CLEC7A: variants seen among roughly 807,000 people sequenced by gnomAD.
CLEC7A encodes the protein C-type lectin domain containing 7A.
Under a neutral mutation model 26.9 loss-of-function variants are expected in CLEC7A, and 25 were observed. The ratio of observed to expected loss-of-function variants is 0.93; its 90% CI spans 0.68 to 1.30. The LOEUF is 1.30. Ranked by LOEUF, CLEC7A falls within the 50% of genes most tolerant of loss-of-function variation. The pLI is 0.00. For synonymous variants in CLEC7A, 100 were observed against 99.5 expected (o/e 1.01, Z -0.03); for missense variants, 275 against 286.7 (o/e 0.96, Z 0.29).
chr12:10,122,891 C>T (rs1472256340), intron 5 of CLEC7A, among the ~76,000 whole-genome samples: 2 of 152,150 alleles, frequency 1.3e-5, no homozygotes, highest in East Asian at 1.9e-4. Flanking sequence ...AATCATTAAC[C>T]CAAACTGAGG....
At chr12:10,126,967 G>T in intron 2 of CLEC7A, 2 of 1,099,134 alleles carry the variant, frequency 1.8e-6, no homozygotes, top group Non-Finnish European at 2.4e-6. Context: ...AATAGAATGA[G>T]GGAGGCAGCA....
At chr12:10,121,038 AAAATAAAAATAAAT>A (rs1385624682) in intron 5 of CLEC7A, among the ~76,000 whole-genome samples, 5 of 150,758 alleles carry the variant, frequency 3.3e-5, no homozygotes, top group East Asian at 4.0e-4. Flanking sequence ...CCTGGGCGAT[AAAATAAAAATAAAT>A]AAATAAAAAT....
rs7136680 is a variant in CLEC7A, at chr12:10,122,930, G to C, written c.611+315C>G. 3.6e-4 allele frequency among the ~76,000 whole-genome samples: 54 copies of C among 151,986 alleles called. No homozygotes were observed. The East Asian group carries it at 8.1e-3, about 23-fold the overall frequency. ...GGCTTCAAAACCCATGCTCTTAACC[G>C]GGGAGTTACACTGACTGACAGTGAC... On this transcript the variant is annotated intron_variant, in intron 5 of 5. Transcript: ENST00000304084.
intron 4 of CLEC7A, chr12:10,125,018 G>C (rs569992803): frequency 1.1e-4 from 40 of 376,574 alleles, no homozygotes; most frequent in Non-Finnish European, 1.8e-4. Context: ...ATGATATGGA[G>C]AAACCTCGTC....
rs1464460128 is a variant in CLEC7A at position 10,130,002 on chromosome 12, C to T, written c.81G>A (p.Arg27=). 1 of 1,605,788 alleles carries T rather than the reference C, an allele frequency of 6.2e-7. No individual in the cohort carries two copies. The highest frequency in any genetic ancestry group is 8.5e-7 in the Non-Finnish European group (1 of 1,172,582). ...QLHFDSQSNT[R]IAVVSEKGSC... is the part of the protein sequence containing the mutation. ...TACCTTTCTCTGAAACAACAGCTAT[C>T]CTGGTATTGCTTTGAGAGTCGAAGT... Residue 27 remains arginine, a synonymous_variant, in exon 1 of 6, where the codon AGG becomes AGA. Coordinates refer to ENST00000304084, the MANE Select transcript of CLEC7A (RefSeq NM_197947.3).
chr12:10,125,280 C>T lies in CLEC7A; in HGVS notation c.492+17G>A. The T allele has an allele frequency of 6.2e-7, 1 of 1,601,162 alleles. No individual in the cohort carries two copies. The highest frequency in any genetic ancestry group is 8.5e-7 in the Non-Finnish European group (1 of 1,171,428). On this transcript the variant is annotated intron_variant, in intron 4 of 5. Transcript: ENST00000304084. ...GGATACACACCACAGATAATCATAA[C>T]AGAAGTCTACACTTACCAATTCATT...
chr12:10,129,910 G>T (rs1304395537), intron 1 of CLEC7A, 70 bp downstream of exon 1: 5 of 899,742 alleles, frequency 5.6e-6, no homozygotes, highest in Non-Finnish European at 9.0e-6. Flanking sequence ...GAGCCACCAT[G>T]CCTAGCCTCC....
Position 10,130,001 on chromosome 12 carries a change from T to A in CLEC7A, c.82A>T (p.Ile28Leu). 1 of 1,605,206 alleles carries A rather than the reference T, an allele frequency of 6.2e-7. No homozygotes were observed. Among genetic ancestry groups the A allele is most frequent in the Middle Eastern group, 1.7e-4 (1 of 6,040 alleles). Reference sequence around the variant, plus strand: ...ATACCTTTCTCTGAAACAACAGCTATCCTGGTATTGCTTTGAGAGTCGAAG... The same window carrying A: ...ATACCTTTCTCTGAAACAACAGCTAACCTGGTATTGCTTTGAGAGTCGAAG... The part of the protein sequence containing the change: ...LHFDSQSNTR[I>L]AVVSEKGSCA... The change falls in exon 1 of 6, where the codon ATA becomes TTA. Residue 28 changes from isoleucine (I) to leucine (L), a missense_variant. Physicochemically the swap from Ile to Leu is conservative, Grantham distance 5. Coordinates refer to ENST00000304084, the MANE Select transcript of CLEC7A (RefSeq NM_197947.3).
Position 10,127,132 on chromosome 12 carries a change from G to A in CLEC7A, c.203-424C>T, listed in dbSNP as rs903698907. On this transcript the variant is annotated intron_variant, in intron 2 of 5. Transcript: ENST00000304084. ...CTCAATAAACATTTGACTAATTAAG[G>A]AATGTCATGAAGACTCTCTGAAGGT... 14 of 1,156,088 alleles carry A rather than the reference G, an allele frequency of 1.2e-5. No individual in the cohort carries two copies. In the East Asian group the frequency reaches 1.3e-4, roughly 10 times the overall value. The allele number at this position is 1,156,088 out of a possible 1,614,324, so 71.6% of individuals were successfully genotyped here.
intron 3 of CLEC7A, chr12:10,126,088 CAT>C (rs1018844501): frequency 3.0e-6 from 2 of 669,844 alleles, no homozygotes; most frequent in African/African-American, 2.0e-5. Context: ...TTTTCAGGGA[CAT>C]GTGTATTAGG....
chr12:10,125,497 T>A, intron 3 of CLEC7A, 49 bp from the exon 4 acceptor site: 1 of 1,473,738 alleles, frequency 6.8e-7, no homozygotes, highest in Non-Finnish European at 9.2e-7. Context: ...ACCAATTCAC[T>A]CTTTTAGTGT....
chr12:10,127,667 C>T (rs1393359832), intron 2 of CLEC7A, 80 bp downstream of exon 2: 1 of 1,057,116 alleles, frequency 9.5e-7, no homozygotes, highest in Non-Finnish European at 1.4e-6. Flanking sequence ...TTATGCATGT[C>T]AAGCCCTTAA....
At position 10,127,828 on chromosome 12, in the gene CLEC7A, G is replaced by T. The variant is rs139322458; in HGVS notation, c.121C>A (p.Pro41Thr). 7.7e-6 allele frequency: 12 copies of T among 1,563,678 alleles called. No homozygotes were observed. In the African/African-American group the frequency reaches 1.5e-4, roughly 19 times the overall value. Residue 41 changes from proline (P) to threonine (T), a missense_variant, in exon 2 of 6, where the codon CCT (proline) becomes ACT (threonine). Coordinates refer to ENST00000304084, the MANE Select transcript of CLEC7A (RefSeq NM_197947.3). Reference protein sequence around the residue: ...VSEKGSCAASPPWRLIAVILG... With the variant: ...VSEKGSCAASTPWRLIAVILG... Reference sequence around the variant, plus strand: ...ATTACAGCAATGAGGCGCCAAGGAGGAGATGCAGCACACGATCCTGAGGAG... The same window carrying T: ...ATTACAGCAATGAGGCGCCAAGGAGTAGATGCAGCACACGATCCTGAGGAG...
At chr12:10,129,050 G>T (rs969874159) in intron 1 of CLEC7A, among the ~76,000 whole-genome samples, 2 of 152,108 alleles carry the variant, frequency 1.3e-5, no homozygotes, top group Non-Finnish European at 2.9e-5. Context: ...CGTAGAGTAG[G>T]CTAAATCACC....
chr12:10,128,914 A>ATC (rs1948398773), intron 1 of CLEC7A, among the ~76,000 whole-genome samples: 1 of 152,270 alleles, frequency 6.6e-6, no homozygotes, highest in Non-Finnish European at 1.5e-5. Context: ...CCGACAAATG[A>ATC]TCTCTCTCTC....
chr12:10,119,424 T>C (rs1462195204), intron 5 of CLEC7A, among the ~76,000 whole-genome samples: 1 of 152,192 alleles, frequency 6.6e-6, no homozygotes, highest in Admixed American at 6.5e-5. Context: ...TATAAGTGTT[T>C]TGGGGGCATA....
Position 10,130,094 on chromosome 12 carries a change from G to A in CLEC7A, c.-12C>T. The A allele has an allele frequency of 7.6e-7, 1 of 1,322,288 alleles. No individual in the cohort carries two copies. The highest frequency in any genetic ancestry group is 1.1e-6 in the Non-Finnish European group (1 of 917,132). The allele number at this position is 1,322,288 out of a possible 1,614,324, so 81.9% of individuals were successfully genotyped here. On this transcript the variant is annotated 5_prime_UTR_variant, in exon 1 of 6. Transcript: ENST00000304084. ...GGATGATATTCCATTGTTCTTGAGA[G>A]CCCCTGAATAGATATAGCATTTGGG... is the stretch of plus-strand genomic sequence containing the variant.
chr12:10,125,527 G>A, intron 3 of CLEC7A, 79 bp from the exon 4 acceptor site: 14 of 1,216,706 alleles, frequency 1.2e-5, no homozygotes, highest in Non-Finnish European at 1.4e-5. Context: ...TCATCTTAAG[G>A]ACACTTATGA....
intron 4 of CLEC7A, 52 bp downstream of exon 4, chr12:10,125,245 T>C (rs1948238959): frequency 7.0e-7 from 1 of 1,437,512 alleles, no homozygotes; most frequent in African/African-American, 1.4e-5. Flanking sequence ...TCTCCCTCTA[T>C]CTTCCTTCAG....
Sources: allele counts gnomAD v4.1 joint callset (sites outside exome capture counted in the v4.1 genomes callset), GRCh38; gene constraint gnomAD v4.1.1; transcripts MANE v1.5; gene names NCBI Gene and HGNC (gene_info 2026-07-23, HGNC 2026-07-21).